Variants in ANKRD55 observed in about 807,000 individuals in gnomAD.
The protein encoded by ANKRD55 is ankyrin repeat domain-containing protein 55.
In ANKRD55, 41 loss-of-function variants were observed where a neutral mutation model predicts 60.6. That is an observed-to-expected ratio of 0.68 (90% CI 0.53 to 0.88). The LOEUF is 0.88. Among genes scored for constraint, ANKRD55 ranks in the 40% least tolerant of loss-of-function variants. The probability of loss-of-function intolerance (pLI) is 0.00; values close to 1 mark genes in which losing one functional copy is unlikely to be tolerated. For missense variants in ANKRD55, 732 were observed against 767.6 expected (o/e 0.95, Z 0.55); for synonymous variants, 264 against 290.3 (o/e 0.91, Z 0.92).
intron 2 of ANKRD55, among the ~76,000 whole-genome samples, chr5:56,229,623 C>T (rs966775499): frequency 6.6e-6 from 1 of 152,220 alleles, no homozygotes; most frequent in African/African-American, 2.4e-5. Context: ...CACCAAGACC[C>T]TGGCATGCCT....
In ANKRD55 at chr5:56,153,925, A is replaced by C. The variant is rs1298879464; in HGVS notation, c.483+5908T>G. Among the ~76,000 whole-genome samples, 3 of 150,394 alleles carry C rather than the reference A, an allele frequency of 2.0e-5. No individual in the cohort carries two copies. In the East Asian group the frequency reaches 6.0e-4, roughly 30 times the overall value. ...ACAAATGCTTGAGTTGAAAAAACTAAGTTAGGCCGGGTGTGGTGGCTCACA... is the reference window on the plus strand; with the variant it reads ...ACAAATGCTTGAGTTGAAAAAACTACGTTAGGCCGGGTGTGGTGGCTCACA... On this transcript the variant is annotated intron_variant, in intron 6 of 11. Transcript: ENST00000341048.
chr5:56,125,430 G>A (rs980852478), intron 8 of ANKRD55, among the ~76,000 whole-genome samples: 9 of 151,746 alleles, frequency 5.9e-5, no homozygotes, highest in Admixed American at 3.9e-4. Flanking sequence ...ATAGGTGTCC[G>A]CCACCACACC....
intron 6 of ANKRD55, among the ~76,000 whole-genome samples, chr5:56,152,576 A>G (rs1277396055): frequency 1.3e-5 from 2 of 152,208 alleles, no homozygotes; most frequent in Non-Finnish European, 2.9e-5. Flanking sequence ...GTTAGTTTCC[A>G]TTTAACTCCC....
intron 9 of ANKRD55, among the ~76,000 whole-genome samples, chr5:56,115,604 G>A (rs1756863567): frequency 6.6e-6 from 1 of 152,032 alleles, no homozygotes; most frequent in Admixed American, 6.6e-5. Flanking sequence ...TTACAGGTGT[G>A]AGCCACCATG....
chr5:56,186,038 C>T (rs915784548), intron 2 of ANKRD55, among the ~76,000 whole-genome samples: 1 of 152,172 alleles, frequency 6.6e-6, no homozygotes, highest in African/African-American at 2.4e-5. Context: ...GGAGGGGTGT[C>T]CAGGTCAAAT....
At chr5:56,223,995 C>T (rs1308700854) in intron 2 of ANKRD55, among the ~76,000 whole-genome samples, 3 of 152,168 alleles carry the variant, frequency 2.0e-5, no homozygotes, top group African/African-American at 7.2e-5. Flanking sequence ...ACCTAATAGA[C>T]ATCTACAGAA....
At chr5:56,130,189 C>G (rs979679226) in intron 7 of ANKRD55, among the ~76,000 whole-genome samples, 2 of 152,136 alleles carry the variant, frequency 1.3e-5, no homozygotes, top group African/African-American at 4.8e-5. Context: ...GAAAAGGTAC[C>G]TTTTTTTAAT....
rs375554538 is a variant in ANKRD55 at position 56,189,997 on chromosome 5, G to A, written c.59-6363C>T. Among the ~76,000 whole-genome samples the A allele has an allele frequency of 1.4e-4, 21 of 152,134 alleles. No individual in the cohort carries two copies. In the East Asian group the frequency reaches 1.5e-3, roughly 11 times the overall value. ...TGCTAACACTTATTATTTGTTGTTT[G>A]GGTTTTAAAAAAAATAATAGCCATC... On this transcript the variant is annotated intron_variant, in intron 2 of 11. Transcript: ENST00000341048.
intron 7 of ANKRD55, chr5:56,127,439 A>C: frequency 1.0e-6 from 1 of 985,256 alleles, no homozygotes; most frequent in Admixed American, 6.2e-5. Context: ...CCACCTAGAC[A>C]ACAACTTGCT....
chr5:56,175,798 C>T (rs1758723870), intron 4 of ANKRD55, among the ~76,000 whole-genome samples: 1 of 152,138 alleles, frequency 6.6e-6, no homozygotes, highest in South Asian at 2.1e-4. Context: ...TGGATCTTCA[C>T]AGTATTCCCA....
At chr5:56,173,175 G>T (rs1341621782) in intron 4 of ANKRD55, among the ~76,000 whole-genome samples, 4 of 152,094 alleles carry the variant, frequency 2.6e-5, no homozygotes, top group African/African-American at 9.7e-5. Flanking sequence ...CCTGGTCTGT[G>T]TGTATGCCCT....
intron 2 of ANKRD55, among the ~76,000 whole-genome samples, chr5:56,227,996 G>A (rs1480044011): frequency 6.6e-6 from 1 of 152,140 alleles, no homozygotes; most frequent in Non-Finnish European, 1.5e-5. Flanking sequence ...GCTTAAATGA[G>A]AATGGATTTT....
At chr5:56,195,504 C>T (rs1581014326) in intron 2 of ANKRD55, among the ~76,000 whole-genome samples, 1 of 152,224 alleles carries the variant, frequency 6.6e-6, no homozygotes, top group Non-Finnish European at 1.5e-5. Context: ...AGTGCAGTGT[C>T]GCGATCTCGG....
intron 2 of ANKRD55, among the ~76,000 whole-genome samples, chr5:56,203,117 T>C (rs1402026767): frequency 1.3e-5 from 2 of 152,222 alleles, no homozygotes; most frequent in Non-Finnish European, 2.9e-5. Context: ...GAAACTTTTC[T>C]GATGTTAAAA....
At chr5:56,120,716 G>A (rs1441235772) in intron 8 of ANKRD55, among the ~76,000 whole-genome samples, 2 of 151,906 alleles carry the variant, frequency 1.3e-5, no homozygotes, top group South Asian at 2.1e-4. Context: ...TGGCTAACAC[G>A]GTGAAACCCT....
At chr5:56,164,883 T>A (rs529254531) in intron 5 of ANKRD55, among the ~76,000 whole-genome samples, 1 of 152,314 alleles carries the variant, frequency 6.6e-6, no homozygotes, top group African/African-American at 2.4e-5. Context: ...TGATTATAAA[T>A]CACTTATCCC....
At chr5:56,189,310 CAAA>C (rs201026805) in intron 2 of ANKRD55, among the ~76,000 whole-genome samples, 3 of 89,672 alleles carry the variant, frequency 3.3e-5, no homozygotes, top group Non-Finnish European at 2.3e-5. Context: ...GACTCTGTCT[CAAA>C]AAAAAAAAAA....
At chr5:56,155,577 T>C (rs1758170527) in intron 6 of ANKRD55, among the ~76,000 whole-genome samples, 1 of 152,218 alleles carries the variant, frequency 6.6e-6, no homozygotes, top group African/African-American at 2.4e-5. Flanking sequence ...AATTTAAGTA[T>C]GAGGGACTCC....
chr5:56,198,760 A>C (rs1005299382), intron 2 of ANKRD55, among the ~76,000 whole-genome samples: 3 of 152,066 alleles, frequency 2.0e-5, no homozygotes, highest in Non-Finnish European at 4.4e-5. Flanking sequence ...GCTAAATGTT[A>C]ATGTTACCTC....
Sources: allele counts gnomAD v4.1 joint callset (sites outside exome capture counted in the v4.1 genomes callset), GRCh38; gene constraint gnomAD v4.1.1; transcripts MANE v1.5; gene names NCBI Gene and HGNC (gene_info 2026-07-23, HGNC 2026-07-21).